GLIS3: variants seen among roughly 807,000 people sequenced by gnomAD.
The protein encoded by GLIS3 is GLIS family zinc finger 3, also known as zinc finger protein GLIS3.
Under a neutral mutation model 78.6 loss-of-function variants are expected in GLIS3, and 53 were observed. That is an observed-to-expected ratio of 0.67 (90% confidence interval 0.54 to 0.85). GLIS3 has a LOEUF of 0.85. Ranked by LOEUF, GLIS3 falls within the 40% of genes least tolerant of loss-of-function variation. The pLI, the probability that GLIS3 is intolerant of heterozygous loss-of-function variation, is 0.00. For missense variants in GLIS3, 1,703 were observed against 1,231.1 expected (o/e 1.38, Z -5.74); for synonymous variants, 684 against 509.9 (o/e 1.34, Z -4.60).
rs368751726 is a variant in GLIS3 at position 4,220,016 on chromosome 9, T to C, written c.388+66022A>G. Among the ~76,000 whole-genome samples, 27 of 152,292 alleles carry C rather than the reference T, an allele frequency of 1.8e-4. No homozygotes were observed. The South Asian group carries it at 1.9e-3, about 11-fold the overall frequency. On this transcript the variant is annotated intron_variant, in intron 2 of 10. Transcript: ENST00000381971. ...CAGTGGATGAGCTCAGAAAATCTTT[T>C]TGTACCAAAAAGTAAGGAATTGATC...
At chr9:4,324,181 T>C (rs1313721129) in intron 2 of GLIS3, among the ~76,000 whole-genome samples, 1 of 152,208 alleles carries the variant, frequency 6.6e-6, no homozygotes, top group Non-Finnish European at 1.5e-5. Flanking sequence ...TAATTTCCCA[T>C]CACTTTATCT....
Position 3,851,005 on chromosome 9 carries a change from C to T in GLIS3, c.2473+5004G>A, listed in dbSNP as rs563709150. Reference sequence around the variant, plus strand: ...TTCTCTTATTGCATATGTCACAGTGCGTTGATTAAATGACATTCATGTTTG... The same window carrying T: ...TTCTCTTATTGCATATGTCACAGTGTGTTGATTAAATGACATTCATGTTTG... On this transcript the variant is annotated intron_variant, in intron 9 of 10. Transcript: ENST00000381971. Among the ~76,000 whole-genome samples, 14 of 152,290 alleles carry T rather than the reference C, an allele frequency of 9.2e-5. No homozygotes were observed. In the South Asian group the frequency reaches 1.2e-3, roughly 14 times the overall value.
intron 2 of GLIS3, among the ~76,000 whole-genome samples, chr9:4,330,058 A>G (rs1183030986): frequency 6.6e-6 from 1 of 152,224 alleles, no homozygotes; most frequent in African/African-American, 2.4e-5. Flanking sequence ...GAAAATTAAC[A>G]CTTTCCATCA....
chr9:4,463,272 A>C, the GLIS3 span, among the ~76,000 whole-genome samples: 1 of 152,190 alleles, frequency 6.6e-6, no homozygotes, highest in Non-Finnish European at 1.5e-5. Context: ...TTCTATACTC[A>C]CCTGACTTCT....
At chr9:4,343,418 T>C (rs939191830) in intron 2 of GLIS3, among the ~76,000 whole-genome samples, 1 of 152,156 alleles carries the variant, frequency 6.6e-6, no homozygotes, top group African/African-American at 2.4e-5. Flanking sequence ...AAAAATAACA[T>C]GCTGCGAGAG....
At chr9:3,851,974 C>T (rs1819462433) in intron 9 of GLIS3, among the ~76,000 whole-genome samples, 1 of 152,062 alleles carries the variant, frequency 6.6e-6, no homozygotes, top group South Asian at 2.1e-4. Context: ...GAAACCCCAT[C>T]TCTACTAGAA....
At chr9:3,983,821 T>C (rs1819506509) in intron 4 of GLIS3, among the ~76,000 whole-genome samples, 1 of 152,206 alleles carries the variant, frequency 6.6e-6, no homozygotes, top group South Asian at 2.1e-4. Context: ...TTCAGTTTTC[T>C]AAGGGAAGCA....
chr9:3,964,994 T>C (rs1421575957), intron 4 of GLIS3, among the ~76,000 whole-genome samples: 1 of 151,998 alleles, frequency 6.6e-6, no homozygotes, highest in Non-Finnish European at 1.5e-5. Context: ...TAACTACCAA[T>C]TGTGTGATCT....
the GLIS3 span, among the ~76,000 whole-genome samples, chr9:4,435,999 C>T: frequency 1.3e-5 from 2 of 152,056 alleles, no homozygotes; most frequent in African/African-American, 4.8e-5. Flanking sequence ...AAAATCTTCC[C>T]CTAAATTATC....
At chr9:4,308,969 C>T (rs1459442070) in intron 3 of GLIS3, 2 of 152,230 alleles carry the variant, frequency 1.3e-5, no homozygotes, top group African/African-American at 4.8e-5. Context: ...GTCTCTCTAT[C>T]TGCAAAAGGA....
the GLIS3 span, among the ~76,000 whole-genome samples, chr9:4,450,857 C>T: frequency 1.3e-5 from 2 of 152,298 alleles, no homozygotes; most frequent in East Asian, 1.9e-4. Flanking sequence ...AAGCACTAAA[C>T]ATGGAAACAA....
At chr9:4,049,679 C>T (rs10814820) in intron 4 of GLIS3, among the ~76,000 whole-genome samples, 45,693 of 151,934 alleles carry the variant, frequency 0.3, 8,442 homozygotes, top group Middle Eastern at 0.43. Context: ...AATGGGAGAA[C>T]ATTTTTGCAA....
intron 4 of GLIS3, among the ~76,000 whole-genome samples, chr9:4,050,356 C>T (rs986544912): frequency 4.6e-5 from 7 of 152,090 alleles, no homozygotes; most frequent in Non-Finnish European, 1.0e-4. Context: ...GACAGAAAAC[C>T]AAACACCGCA....
chr9:4,151,620 C>T (rs919202346), intron 2 of GLIS3, among the ~76,000 whole-genome samples: 4 of 152,104 alleles, frequency 2.6e-5, no homozygotes, highest in African/African-American at 9.7e-5. Flanking sequence ...GAACAATTGT[C>T]CAGTTCACAG....
intron 2 of GLIS3, among the ~76,000 whole-genome samples, chr9:4,341,742 A>T (rs1817836773): frequency 6.6e-6 from 1 of 152,232 alleles, no homozygotes; most frequent in Non-Finnish European, 1.5e-5. Context: ...ACAAGCAATC[A>T]GTTCTAAGGA....
chr9:4,215,065 G>C (rs1406250952), intron 2 of GLIS3, among the ~76,000 whole-genome samples: 1 of 152,204 alleles, frequency 6.6e-6, no homozygotes, highest in Non-Finnish European at 1.5e-5. Flanking sequence ...AGCATTACTT[G>C]ATGGTGCAGA....
intron 8 of GLIS3, among the ~76,000 whole-genome samples, chr9:3,876,951 G>A (rs1300573369): frequency 3.3e-5 from 5 of 151,928 alleles, no homozygotes; most frequent in Non-Finnish European, 7.4e-5. Context: ...GGCATTTGGG[G>A]TGTGATATTG....
chr9:4,110,616 C>G (rs1471360575), intron 4 of GLIS3, among the ~76,000 whole-genome samples: 11 of 152,106 alleles, frequency 7.2e-5, no homozygotes, highest in Non-Finnish European at 7.4e-5. Context: ...ATTGGTCTCC[C>G]CTCTGGATGA....
chr9:4,185,431 T>G (rs192419870), intron 2 of GLIS3, among the ~76,000 whole-genome samples: 2 of 152,198 alleles, frequency 1.3e-5, no homozygotes, highest in Non-Finnish European at 2.9e-5. Flanking sequence ...ATGCATGTCT[T>G]TGTGTTGACG....
Sources: gnomAD v4.1 joint callset for allele counts (sites outside exome capture counted in the v4.1 genomes callset) on GRCh38, gnomAD v4.1.1 for gene constraint, MANE v1.5 for transcripts, NCBI Gene and HGNC (gene_info 2026-07-23, HGNC 2026-07-21) for gene names.